PDE4D: variants seen among roughly 807,000 people sequenced by gnomAD.
PDE4D encodes 3',5'-cyclic-AMP phosphodiesterase 4D.
PDE4D carries 24 observed loss-of-function variants against 87.4 expected under a neutral mutation model. The observed-to-expected ratio is 0.27, with a 90% CI of 0.20 to 0.39. The LOEUF (loss-of-function observed/expected upper bound fraction) is 0.39, where lower values mean the gene tolerates loss of function less well. Ranked by LOEUF, PDE4D falls within the 10% of genes least tolerant of loss-of-function variation. PDE4D has a pLI of 1.00. For synonymous variants in PDE4D, 384 were observed against 383.2 expected, an observed-to-expected ratio of 1.00 and a Z score of -0.02; for missense variants, 714 against 1,041.0, an observed-to-expected ratio of 0.69 and a Z score of 4.32.
chr5:59,779,977 A>C (rs1165410100), intron 1 of PDE4D, among the ~76,000 whole-genome samples: 1 of 152,210 alleles, frequency 6.6e-6, no homozygotes, highest in African/African-American at 2.4e-5. Context: ...TTCCTCAAAC[A>C]GCCTTATGTT....
chr5:59,386,377 A>G (rs1786990898), intron 1 of PDE4D, among the ~76,000 whole-genome samples: 1 of 152,174 alleles, frequency 6.6e-6, no homozygotes, highest in Non-Finnish European at 1.5e-5. Flanking sequence ...CTTAAAGAAA[A>G]TATTTCTTTT....
intron 1 of PDE4D, among the ~76,000 whole-genome samples, chr5:59,381,177 T>C (rs1785753052): frequency 6.6e-6 from 1 of 152,210 alleles, no homozygotes; most frequent in Admixed American, 6.5e-5. Flanking sequence ...GGCCAGTCCA[T>C]TAGCTTTGTG....
chr5:58,976,337 A>G lies in PDE4D; in HGVS notation c.1830+13T>C. On this transcript the variant is annotated intron_variant, in intron 13 of 14. Coordinates refer to ENST00000340635, the MANE Select transcript of PDE4D (RefSeq NM_001104631.2). The stretch of plus-strand genomic sequence containing the variant: ...GACACACACACACAGAGCAAACTCA[A>G]ACAAGGCTTTACCTGAATCCTATCG... 6.2e-7 allele frequency: 1 copy of G among 1,611,746 alleles called. No homozygotes were observed. The highest frequency in any genetic ancestry group is 8.5e-7 in the Non-Finnish European group (1 of 1,179,014).
intron 6 of PDE4D, among the ~76,000 whole-genome samples, chr5:59,000,087 T>G (rs2153352383): frequency 6.6e-6 from 1 of 152,276 alleles, no homozygotes; most frequent in South Asian, 2.1e-4. Flanking sequence ...CTGGGGAGGC[T>G]TTCTCCTCAC....
rs181779692 is a variant in PDE4D, at chr5:59,046,226, C to T, written c.809-7255G>A. Among the ~76,000 whole-genome samples the T allele has an allele frequency of 1.5e-3, 235 of 152,254 alleles. 2 individuals are homozygous for T. Among genetic ancestry groups the T allele is most frequent in the African/African-American group, 5.4e-3 (225 of 41,542 alleles). On this transcript the variant is annotated intron_variant, in intron 5 of 14. Transcript: ENST00000340635. The stretch of plus-strand genomic sequence containing the variant: ...GTGGAACTAATCTGTGCCTCATCTA[C>T]ACAGGAAAGGGGAGGAATATGCCAG...
intron 2 of PDE4D, among the ~76,000 whole-genome samples, chr5:59,210,957 T>C (rs1046232818): frequency 9.9e-5 from 15 of 152,204 alleles, no homozygotes; most frequent in African/African-American, 3.4e-4. Context: ...CTTTATGTGT[T>C]TCCAAATACA....
At position 59,606,347 on chromosome 5, in the gene PDE4D, A is replaced by G. The variant is rs943214491; in HGVS notation, c.455+286821T>C. On this transcript the variant is annotated intron_variant, in intron 1 of 14. Transcript: ENST00000340635. Reference sequence around the variant, plus strand: ...ACAGCACATTGGAAATGGCAGCAGGAGGAGAGTGAAATAAAGTTAATATTT... The same window carrying G: ...ACAGCACATTGGAAATGGCAGCAGGGGGAGAGTGAAATAAAGTTAATATTT... Among the ~76,000 whole-genome samples, 3 of 152,138 alleles carry G rather than the reference A, an allele frequency of 2.0e-5. 1 individual carries two copies. The highest frequency in any genetic ancestry group is 4.8e-5 in the African/African-American group (2 of 41,434).
chr5:59,004,142 A>T (rs2153356453), intron 6 of PDE4D, among the ~76,000 whole-genome samples: 1 of 152,258 alleles, frequency 6.6e-6, no homozygotes, highest in Admixed American at 6.5e-5. Context: ...GATTTAAAAA[A>T]AAAATCAGTA....
At chr5:60,146,802 T>A (rs892232606) in intron 2 of PDE4D, among the ~76,000 whole-genome samples, 15 of 152,264 alleles carry the variant, frequency 9.9e-5, no homozygotes, top group African/African-American at 2.6e-4. Flanking sequence ...ACTCATTTTT[T>A]AAAAAGGTAA....
At chr5:60,023,312 C>T (rs1766275397) in intron 2 of PDE4D, among the ~76,000 whole-genome samples, 1 of 152,096 alleles carries the variant, frequency 6.6e-6, no homozygotes, top group Non-Finnish European at 1.5e-5. Flanking sequence ...TTCCCCATGT[C>T]CTTAGCATCT....
At chr5:60,338,140 G>T (rs899445225) in intron 1 of PDE4D, among the ~76,000 whole-genome samples, 2 of 152,104 alleles carry the variant, frequency 1.3e-5, no homozygotes, top group African/African-American at 4.8e-5. Flanking sequence ...GCACAGGTGG[G>T]TCAGCACAAA....
At chr5:59,622,892 TCAC>T (rs1295033001) in intron 1 of PDE4D, among the ~76,000 whole-genome samples, 1 of 152,202 alleles carries the variant, frequency 6.6e-6, no homozygotes, top group Non-Finnish European at 1.5e-5. Context: ...TATCCCATTA[TCAC>T]CACATCTCTT....
intron 1 of PDE4D, among the ~76,000 whole-genome samples, chr5:59,824,116 T>C (rs188740879): frequency 3.9e-5 from 6 of 152,194 alleles, no homozygotes; most frequent in Admixed American, 2.6e-4. Context: ...ACCTATGTAA[T>C]TTTTCTAGTA....
At chr5:59,086,818 T>A (rs10452450) in intron 5 of PDE4D, among the ~76,000 whole-genome samples, 38,946 of 152,102 alleles carry the variant, frequency 0.26, 5,333 homozygotes, top group Middle Eastern at 0.36. Context: ...CTGTCTATTT[T>A]ACTCTATAAA....
intron 1 of PDE4D, among the ~76,000 whole-genome samples, chr5:59,576,615 C>T (rs7735196): frequency 0.027 from 4,137 of 152,062 alleles, 174 homozygotes; most frequent in African/African-American, 0.093. Context: ...AAAAAGTAGT[C>T]GAGGTGGCTA....
At position 59,220,657 on chromosome 5, in the gene PDE4D, G is replaced by T. The variant is rs1752353575; in HGVS notation, c.456-4689C>A. Among the ~76,000 whole-genome samples the T allele has an allele frequency of 2.6e-5, 4 of 151,960 alleles. No individual in the cohort carries two copies. The South Asian group carries it at 8.3e-4, about 32-fold the overall frequency. On this transcript the variant is annotated intron_variant, in intron 1 of 14. Transcript: ENST00000340635. ...TTAGTCAGTTTGGGCTGAAATTATA[G>T]ATGGCTTCAAATAAGCTAGTTATCT... is the stretch of plus-strand genomic sequence containing the variant.
chr5:59,915,014 GAGC>G (rs1419808476), intron 3 of PDE4D, among the ~76,000 whole-genome samples: 7 of 151,968 alleles, frequency 4.6e-5, no homozygotes, highest in Non-Finnish European at 1.0e-4. Flanking sequence ...TCTGGGGAAG[GAGC>G]AGGTTTGAAG....
At chr5:59,575,887 G>C (rs1265989734) in intron 1 of PDE4D, among the ~76,000 whole-genome samples, 5 of 152,122 alleles carry the variant, frequency 3.3e-5, no homozygotes. Flanking sequence ...GTCGATTCTT[G>C]CTGAGGCTTG....
chr5:59,651,275 A>G (rs929961023), intron 1 of PDE4D, among the ~76,000 whole-genome samples: 3 of 143,214 alleles, frequency 2.1e-5, no homozygotes, highest in Non-Finnish European at 3.0e-5. Context: ...AATAATAATA[A>G]TAATAATAAT....
Sources: gnomAD v4.1 joint callset for allele counts (sites outside exome capture counted in the v4.1 genomes callset) on GRCh38, gnomAD v4.1.1 for gene constraint, MANE v1.5 for transcripts, NCBI Gene and HGNC (gene_info 2026-07-23, HGNC 2026-07-21) for gene names.